Variants in SYN2 observed in about 807,000 individuals in gnomAD.
SYN2 encodes synapsin II, also known as synapsin-2.
A neutral mutation model predicts 50.9 loss-of-function variants in SYN2; 19 were observed. The ratio of observed to expected loss-of-function variants is 0.37; its 90% CI spans 0.26 to 0.55. The LOEUF is 0.55. Among genes scored for constraint, SYN2 ranks in the 20% least tolerant of loss-of-function variants. The pLI is 0.81. For missense variants in SYN2, 587 were observed against 576.4 expected, an observed-to-expected ratio of 1.02 and a Z score of -0.19; for synonymous variants, 255 against 224.9, an observed-to-expected ratio of 1.13 and a Z score of -1.20.
At chr3:12,014,813 A>G (rs78753240) in intron 1 of SYN2, among the ~76,000 whole-genome samples, 4 of 152,160 alleles carry the variant, frequency 2.6e-5, no homozygotes, top group Non-Finnish European at 4.4e-5. Context: ...TTTCAACTGC[A>G]AAGTGGGATT....
At chr3:12,164,960 T>A (rs1404598278) in intron 7 of SYN2, among the ~76,000 whole-genome samples, 1 of 151,564 alleles carries the variant, frequency 6.6e-6, no homozygotes. Flanking sequence ...TATATGAGGT[T>A]CAGTTTCTTC....
intron 1 of SYN2, among the ~76,000 whole-genome samples, chr3:12,119,792 C>G (rs183519938): frequency 4.6e-5 from 7 of 152,102 alleles, no homozygotes; most frequent in Admixed American, 3.9e-4. Flanking sequence ...TTCCCAGGTT[C>G]GTTTCCTCCT....
Position 12,185,080 on chromosome 3 carries a change from G to A in SYN2, c.1369+1708G>A, listed in dbSNP as rs965533599. 6 of 985,702 alleles carry A rather than the reference G, an allele frequency of 6.1e-6. 1 individual carries two copies. The Admixed American group carries it at 1.8e-4, about 30-fold the overall frequency. 61.1% of individuals were successfully genotyped at this position (985,702 alleles called of 1,614,324 possible). ...GGCCACAGAGAAATGCATTGAGTGT[G>A]AATGTTGTCATCTGTAATCCCTCCC... On this transcript the variant is annotated intron_variant, in intron 11 of 12. Coordinates refer to ENST00000621198, the MANE Select transcript of SYN2 (RefSeq NM_133625.6).
chr3:12,010,150 A>G (rs894952501), intron 1 of SYN2, among the ~76,000 whole-genome samples: 3 of 152,208 alleles, frequency 2.0e-5, no homozygotes, highest in African/African-American at 7.2e-5. Flanking sequence ...CCTAGTCGTC[A>G]AAATCCAGCA....
chr3:12,191,944 A>G lies in SYN2; in HGVS notation c.*1319A>G, dbSNP rs1698451327. On this transcript the variant is annotated 3_prime_UTR_variant, in exon 13 of 13. Transcript: ENST00000621198. ...TCTGGCTGCTTCATGACTCCCTGAT[A>G]CTCAAGTATATTTTCCCAAAGACCA... Among the ~76,000 whole-genome samples the G allele has an allele frequency of 6.6e-6, 1 of 152,126 alleles. No individual in the cohort carries two copies. Among genetic ancestry groups the G allele is most frequent in the African/African-American group, 2.4e-5 (1 of 41,400 alleles).
Position 12,081,885 on chromosome 3 carries a change from C to T in SYN2, c.378-58766C>T, listed in dbSNP as rs144270926. Among the ~76,000 whole-genome samples, 563 of 152,148 alleles carry T rather than the reference C, an allele frequency of 3.7e-3. 6 individuals are homozygous for T. The highest frequency in any genetic ancestry group is 0.013 in the African/African-American group (541 of 41,526). ...GAGCTTTCCTATAGCTCACATTGTT[C>T]GTTCTTTGTGTGCTTATTGGTTTGT... On this transcript the variant is annotated intron_variant, in intron 1 of 12. Transcript: ENST00000621198.
At chr3:12,041,357 A>G (rs951713246) in intron 1 of SYN2, among the ~76,000 whole-genome samples, 3 of 152,066 alleles carry the variant, frequency 2.0e-5, no homozygotes, top group African/African-American at 4.8e-5. Flanking sequence ...AACTCCCCCA[A>G]TCTATGTTGC....
chr3:12,052,780 T>C (rs910945380), intron 1 of SYN2, among the ~76,000 whole-genome samples: 1 of 152,178 alleles, frequency 6.6e-6, no homozygotes, highest in African/African-American at 2.4e-5. Flanking sequence ...AAACAGTTTT[T>C]TTTAGGCCAA....
intron 1 of SYN2, among the ~76,000 whole-genome samples, chr3:12,089,840 T>C (rs1366019607): frequency 6.6e-6 from 1 of 152,090 alleles, no homozygotes; most frequent in African/African-American, 2.4e-5. Flanking sequence ...ACCCAAGGTT[T>C]GTGGGTGTAG....
chr3:12,172,601 T>C (rs2125245923), intron 10 of SYN2, among the ~76,000 whole-genome samples: 1 of 152,334 alleles, frequency 6.6e-6, no homozygotes, highest in African/African-American at 2.4e-5. Context: ...GCATAGAGGA[T>C]TAACAACGAG....
intron 10 of SYN2, among the ~76,000 whole-genome samples, chr3:12,176,735 A>C (rs915748044): frequency 2.0e-5 from 3 of 152,230 alleles, no homozygotes; most frequent in Non-Finnish European, 4.4e-5. Flanking sequence ...GTAAAAGTTA[A>C]AGGAATTGCA....
chr3:12,159,045 A>G (rs1223117964), intron 5 of SYN2: 1 of 632,428 alleles, frequency 1.6e-6, no homozygotes, highest in Non-Finnish European at 2.5e-6. Context: ...CTGCATACTC[A>G]GTAAGATGCA....
At chr3:12,064,024 CTCAG>C (rs1695162941) in intron 1 of SYN2, among the ~76,000 whole-genome samples, 1 of 151,752 alleles carries the variant, frequency 6.6e-6, no homozygotes, top group African/African-American at 2.4e-5. Flanking sequence ...CAAACACTCC[CTCAG>C]TCAGGTGATC....
intron 10 of SYN2, among the ~76,000 whole-genome samples, chr3:12,179,272 G>C (rs1574890749): frequency 2.4e-3 from 2 of 838 alleles, no homozygotes; most frequent in South Asian, 0.1. Context: ...ATAACCCTAG[G>C]GGTCTTGCTG....
chr3:12,023,794 C>T (rs1038102341), intron 1 of SYN2, among the ~76,000 whole-genome samples: 20 of 152,066 alleles, frequency 1.3e-4, no homozygotes, highest in African/African-American at 4.8e-4. Flanking sequence ...TTGTGCAGTC[C>T]TGGAGACCAA....
chr3:12,116,069 A>T (rs1478273931), intron 1 of SYN2, among the ~76,000 whole-genome samples: 1 of 152,182 alleles, frequency 6.6e-6, no homozygotes, highest in Non-Finnish European at 1.5e-5. Flanking sequence ...CCCAGAAAAG[A>T]TAGGCACCAC....
chr3:12,043,025 T>TC lies in SYN2; in HGVS notation c.377+38097_377+38098insC, dbSNP rs1491545187. Among the ~76,000 whole-genome samples the TC allele has an allele frequency of 1.2e-3, 164 of 136,252 alleles. 2 individuals are homozygous for TC. The highest frequency in any genetic ancestry group is 4.6e-3 in the East Asian group (23 of 4,952). 89.4% of individuals were successfully genotyped at this position (136,252 alleles called of 152,430 possible). ...ACCTTTTTTTTCCTTCTCTTTTCTC[T>TC]TTTTTTTTTTTTTGTGAGACAGCAT... On this transcript the variant is annotated intron_variant, in intron 1 of 12. Transcript: ENST00000621198.
intron 1 of SYN2, among the ~76,000 whole-genome samples, chr3:12,034,137 A>T (rs964629427): frequency 2.6e-5 from 4 of 152,152 alleles, no homozygotes; most frequent in African/African-American, 9.7e-5. Flanking sequence ...GCACTATTTT[A>T]TATTACCACC....
At chr3:12,123,149 A>C (rs886792371) in intron 1 of SYN2, among the ~76,000 whole-genome samples, 3 of 152,212 alleles carry the variant, frequency 2.0e-5, no homozygotes, top group African/African-American at 4.8e-5. Flanking sequence ...ATAGTTATAG[A>C]AGGAAGGAAT....
Sources: gnomAD v4.1 joint callset for allele counts (sites outside exome capture counted in the v4.1 genomes callset) on GRCh38, gnomAD v4.1.1 for gene constraint, MANE v1.5 for transcripts, NCBI Gene and HGNC (gene_info 2026-07-23, HGNC 2026-07-21) for gene names.